Variants in GALNT10 observed in about 807,000 individuals in gnomAD.
GALNT10 encodes GalNAc transferase 10.
A neutral mutation model predicts 75.0 loss-of-function variants in GALNT10; 41 were observed. That is an observed-to-expected ratio of 0.55 (90% CI 0.43 to 0.71). GALNT10 has a LOEUF of 0.71. Among genes scored for constraint, GALNT10 ranks in the 30% least tolerant of loss-of-function variants. GALNT10 has a pLI of 0.00. For synonymous variants in GALNT10, 302 were observed against 313.0 expected, an observed-to-expected ratio of 0.96 and a Z score of 0.37; for missense variants, 727 against 818.5, an observed-to-expected ratio of 0.89 and a Z score of 1.36.
intron 1 of GALNT10, among the ~76,000 whole-genome samples, chr5:154,203,210 T>G (rs1213912575): frequency 6.6e-6 from 1 of 152,114 alleles, no homozygotes; most frequent in African/African-American, 2.4e-5. Flanking sequence ...TTCTCAGGCC[T>G]CTCCCCTCTC....
At chr5:154,408,237 C>A (rs1339138326) in intron 8 of GALNT10, among the ~76,000 whole-genome samples, 1 of 152,090 alleles carries the variant, frequency 6.6e-6, no homozygotes, top group Admixed American at 6.5e-5. Context: ...CATTTGGGAC[C>A]CCTGCCTGAC....
chr5:154,393,962 A>G (rs999604301), intron 7 of GALNT10, among the ~76,000 whole-genome samples: 9 of 152,218 alleles, frequency 5.9e-5, no homozygotes, highest in African/African-American at 2.2e-4. Flanking sequence ...GAGATTCTGC[A>G]CAAGTCAGCA....
intron 1 of GALNT10, among the ~76,000 whole-genome samples, chr5:154,279,299 G>GTTTTTTTTT (rs1398081050): frequency 1.1e-5 from 1 of 90,904 alleles, no homozygotes; most frequent in African/African-American, 4.1e-5. Flanking sequence ...TGTTGTTGTT[G>GTTTTTTTTT]TTTTGTTTTT....
At chr5:154,371,099 G>A (rs1026699516) in intron 4 of GALNT10, among the ~76,000 whole-genome samples, 1 of 152,170 alleles carries the variant, frequency 6.6e-6, no homozygotes, top group African/African-American at 2.4e-5. Flanking sequence ...GTCCTCGGGA[G>A]GATTCCATGC....
At chr5:154,378,164 C>G (rs756384443) in intron 5 of GALNT10, among the ~76,000 whole-genome samples, 2 of 152,208 alleles carry the variant, frequency 1.3e-5, no homozygotes. Flanking sequence ...CTAATGTCAG[C>G]AGCTGACAGA....
intron 4 of GALNT10, among the ~76,000 whole-genome samples, chr5:154,335,529 G>T (rs1754932017): frequency 6.6e-6 from 1 of 152,190 alleles, no homozygotes; most frequent in Non-Finnish European, 1.5e-5. Flanking sequence ...ACAAGCACAG[G>T]CTGGGAGTCG....
At position 154,278,709 on chromosome 5, in the gene GALNT10, G is replaced by A. The variant is rs957499736; in HGVS notation, c.160-16107G>A. Among the ~76,000 whole-genome samples the A allele has an allele frequency of 7.9e-5, 12 of 151,936 alleles. 1 individual carries two copies. The highest frequency in any genetic ancestry group is 9.7e-5 in the African/African-American group (4 of 41,336). ...TAACTCCCTGTAAACAACAATCCCC[G>A]TTCTTACTCCCCTGTAACCTCTGTT... On this transcript the variant is annotated intron_variant, in intron 1 of 11. Coordinates refer to ENST00000297107, the MANE Select transcript of GALNT10 (RefSeq NM_198321.4).
intron 1 of GALNT10, among the ~76,000 whole-genome samples, chr5:154,201,773 A>G (rs1581915983): frequency 6.6e-6 from 1 of 152,190 alleles, no homozygotes; most frequent in African/African-American, 2.4e-5. Flanking sequence ...TACTAAAAAT[A>G]CAAAAATTAG....
At chr5:154,325,631 CAA>C (rs34012731) in intron 3 of GALNT10, among the ~76,000 whole-genome samples, 10 of 131,358 alleles carry the variant, frequency 7.6e-5, no homozygotes, top group Admixed American at 7.8e-5. Context: ...TCAGTAGATG[CAA>C]AAAAAAAAAA....
rs1756529798 is a variant in GALNT10 at position 154,417,098 on chromosome 5, G to C, written c.*126G>C. 1 of 791,268 alleles carries C rather than the reference G, an allele frequency of 1.3e-6. No homozygotes were observed. The highest frequency in any genetic ancestry group is 2.1e-6 in the Non-Finnish European group (1 of 487,462). 49.0% of individuals were successfully genotyped at this position (791,268 alleles called of 1,614,324 possible). The stretch of plus-strand genomic sequence containing the variant: ...TGCTGGCCAAATGGTTCAGGGTGAA[G>C]AGGGCTCTTGATTCAGGGGCTGGGG... On this transcript the variant is annotated 3_prime_UTR_variant, in exon 12 of 12. Coordinates refer to ENST00000297107, the MANE Select transcript of GALNT10 (RefSeq NM_198321.4).
chr5:154,388,254 TA>T (rs770974884), intron 7 of GALNT10: 10 of 152,156 alleles, frequency 6.6e-5, no homozygotes, highest in Non-Finnish European at 1.5e-4. Flanking sequence ...ACCAGCCCCC[TA>T]AATAAAATTA....
rs564312112 is a variant in GALNT10 at position 154,380,473 on chromosome 5, C to G, written c.780C>G (p.Thr260=). 18 of 1,614,066 alleles carry G rather than the reference C, an allele frequency of 1.1e-5. No homozygotes were observed. In the African/African-American group the frequency reaches 1.6e-4, roughly 14 times the overall value. ...LLDRIARNRK[T]IVCPMIDVID... is the part of the protein sequence containing the mutation. ...ACCGCATTGCTCGGAACCGCAAGAC[C>G]ATTGTGTGCCCGATGATTGATGTAA... The change falls in exon 6 of 12, where the codon ACC becomes ACG. Residue 260 remains threonine, a synonymous_variant. Transcript: ENST00000297107.
chr5:154,325,412 A>ATACATAACATAGT (rs1326732711), intron 3 of GALNT10, among the ~76,000 whole-genome samples: 2 of 152,186 alleles, frequency 1.3e-5, no homozygotes, highest in Non-Finnish European at 2.9e-5. Flanking sequence ...TCAGACAAAG[A>ATACATAACATAGT]CATAACAACT....
At chr5:154,274,430 A>G (rs1258773888) in intron 1 of GALNT10, among the ~76,000 whole-genome samples, 1 of 152,204 alleles carries the variant, frequency 6.6e-6, no homozygotes, top group Admixed American at 6.5e-5. Flanking sequence ...TGGAGTCTGT[A>G]AAAAGGAGAA....
In GALNT10 at chr5:154,404,234, C is replaced by T. The variant is rs187522537; in HGVS notation, c.1164+23C>T. Reference sequence around the variant, plus strand: ...CGGGTAAGGTGGTGGCTTTCCTTGGCGGGTAGAAGGGGTTGGCCTAGGACC... The same window carrying T: ...CGGGTAAGGTGGTGGCTTTCCTTGGTGGGTAGAAGGGGTTGGCCTAGGACC... On this transcript the variant is annotated intron_variant, in intron 8 of 11. Coordinates refer to ENST00000297107, the MANE Select transcript of GALNT10 (RefSeq NM_198321.4). 2,036 of 1,479,440 alleles carry T rather than the reference C, an allele frequency of 1.4e-3. 8 individuals carry two copies. The highest frequency in any genetic ancestry group is 9.5e-4 in the Non-Finnish European group (1,023 of 1,078,894). 91.6% of individuals were successfully genotyped at this position (1,479,440 alleles called of 1,614,324 possible). A position where few individuals can be genotyped will look rare whatever the true frequency, so the allele number is the denominator to read the frequency against.
chr5:154,365,315 G>C (rs1755457875), intron 4 of GALNT10, among the ~76,000 whole-genome samples: 1 of 152,168 alleles, frequency 6.6e-6, no homozygotes, highest in Non-Finnish European at 1.5e-5. Context: ...AGAACAGGGG[G>C]GCCTGTGGTT....
intron 1 of GALNT10, among the ~76,000 whole-genome samples, chr5:154,211,636 A>C (rs988298690): frequency 6.6e-6 from 1 of 152,178 alleles, no homozygotes; most frequent in African/African-American, 2.4e-5. Flanking sequence ...ATTTGGGCTT[A>C]GCTGGGTGGT....
At chr5:154,400,299 C>G (rs1054887863) in intron 7 of GALNT10, among the ~76,000 whole-genome samples, 1 of 152,142 alleles carries the variant, frequency 6.6e-6, no homozygotes, top group Admixed American at 6.5e-5. Flanking sequence ...GCTGGGTGCT[C>G]GCTGCATTCA....
Position 154,409,417 on chromosome 5 carries a change from T to C in GALNT10, c.1165-124T>C. The C allele has an allele frequency of 1.3e-6, 1 of 767,194 alleles. No individual in the cohort carries two copies. The highest frequency in any genetic ancestry group is 2.4e-5 in the East Asian group (1 of 41,012). 47.5% of individuals were successfully genotyped at this position (767,194 alleles called of 1,614,324 possible). A position where few individuals can be genotyped will look rare whatever the true frequency, so the allele number is the denominator to read the frequency against. On this transcript the variant is annotated intron_variant, in intron 8 of 11. Coordinates refer to ENST00000297107, the MANE Select transcript of GALNT10 (RefSeq NM_198321.4). This position sits in a 1 kb window ranked among gnomAD's most constrained non-coding sequence, Gnocchi z 4.5. ...AGAAGGCCTAAACTCACGGTGGGGC[T>C]GGGATTTTTGATGGAACATAAAATA...
Sources: allele counts gnomAD v4.1 joint callset (sites outside exome capture counted in the v4.1 genomes callset), GRCh38; gene constraint gnomAD v4.1.1; non-coding constraint Gnocchi (gnomAD v3.1); transcripts MANE v1.5; gene names NCBI Gene and HGNC (gene_info 2026-07-23, HGNC 2026-07-21).